Variants in SV2B observed in about 807,000 individuals in gnomAD.
The protein encoded by SV2B is solute carrier family 22 member B2.
SV2B carries 41 observed loss-of-function variants against 73.9 expected under a neutral mutation model. That is an observed-to-expected ratio of 0.56 (90% confidence interval 0.43 to 0.72). The LOEUF (loss-of-function observed/expected upper bound fraction) is 0.72, where lower values mean the gene tolerates loss of function less well. Ranked by LOEUF, SV2B falls within the 30% of genes least tolerant of loss-of-function variation. The pLI is 0.00. For synonymous variants in SV2B, 314 were observed against 314.2 expected (o/e 1.00, Z 0.01); for missense variants, 764 against 857.8 (o/e 0.89, Z 1.37).
rs1435375257 is a variant in SV2B, at chr15:91,154,157, AATT to A, written c.-392+53797_-392+53799del. 2.0e-5 allele frequency among the ~76,000 whole-genome samples: 3 copies of A among 147,956 alleles called. No individual in the cohort carries two copies. In the East Asian group the frequency reaches 5.8e-4, roughly 29 times the overall value. ...TATTTGATATTAATTTATATTATAA[AATT>A]ATATTATAGATTATAAATATAAATT... is the stretch of plus-strand genomic sequence containing the variant. On this transcript the variant is annotated intron_variant, in intron 1 of 12. Coordinates refer to ENST00000394232, the MANE Select transcript of SV2B (RefSeq NM_001323032.3).
Position 91,289,589 on chromosome 15 carries a change from A to G in SV2B, c.1777A>G (p.Ile593Val). The change falls in exon 12 of 13, where the codon ATC (isoleucine) becomes GTC (valine). Residue 593 changes from isoleucine to valine, a missense_variant. Transcript: ENST00000394232. This position sits in a 1 kb window ranked among gnomAD's most constrained non-coding sequence, Gnocchi z 4.9. ...LFFGNSESAM[I>V]GWQCLFCGTS... ...TTTTGGCAACAGTGAGTCTGCAATGATCGGCTGGCAGTGCCTGTTCTGTGG... is the reference window on the plus strand; with the variant it reads ...TTTTGGCAACAGTGAGTCTGCAATGGTCGGCTGGCAGTGCCTGTTCTGTGG... The G allele has an allele frequency of 2.5e-6, 4 of 1,614,202 alleles. No individual in the cohort carries two copies. The highest frequency in any genetic ancestry group is 3.4e-6 in the Non-Finnish European group (4 of 1,180,040).
intron 1 of SV2B, among the ~76,000 whole-genome samples, chr15:91,212,145 A>G (rs1223718024): frequency 2.0e-5 from 3 of 152,208 alleles, no homozygotes; most frequent in African/African-American, 7.2e-5. Context: ...GCCTCCAGGT[A>G]GATTTGTGCA....
At chr15:91,102,542 C>CT (rs1376334124) in intron 1 of SV2B, among the ~76,000 whole-genome samples, 1 of 152,176 alleles carries the variant, frequency 6.6e-6, no homozygotes, top group African/African-American at 2.4e-5. Flanking sequence ...AGCCATTGCT[C>CT]TATGTGTGGA....
In SV2B at chr15:91,266,567, A is replaced by G. The variant is rs1017036876; in HGVS notation, c.1009-15A>G. On this transcript the variant is annotated splice_polypyrimidine_tract_variant and intron_variant, in intron 6 of 12. Coordinates refer to ENST00000394232, the MANE Select transcript of SV2B (RefSeq NM_001323032.3). ...GTGGGGTTCAAATTCTCTATATCCT[A>G]TTTTTACTTTTCAGGTTTCCAACAT... 1.2e-6 allele frequency: 2 copies of G among 1,603,188 alleles called. No homozygotes were observed. The highest frequency in any genetic ancestry group is 8.5e-7 in the Non-Finnish European group (1 of 1,170,524).
rs1205922115 is a variant in SV2B, at chr15:91,108,220, T to G, written c.-392+7857T>G. Among the ~76,000 whole-genome samples the G allele has an allele frequency of 2.0e-5, 3 of 152,278 alleles. No homozygotes were observed. In the East Asian group the frequency reaches 5.8e-4, roughly 29 times the overall value. On this transcript the variant is annotated intron_variant, in intron 1 of 12. Transcript: ENST00000394232. ...ATTATTTCCATGGGGCCCATAATGT[T>G]CAAAATTAGACAAAGGGACAATAAT...
At chr15:91,185,347 A>G (rs2044729903) in intron 1 of SV2B, among the ~76,000 whole-genome samples, 1 of 152,186 alleles carries the variant, frequency 6.6e-6, no homozygotes, top group African/African-American at 2.4e-5. Context: ...TTTTGTATCT[A>G]TTTGCATTTT....
intron 1 of SV2B, among the ~76,000 whole-genome samples, chr15:91,104,979 G>A (rs933894410): frequency 2.0e-4 from 31 of 152,198 alleles, no homozygotes; most frequent in Admixed American, 1.4e-3. Flanking sequence ...CTTTTCTTCC[G>A]GACTCTGCTC....
chr15:91,156,639 T>A (rs188049777), intron 1 of SV2B, among the ~76,000 whole-genome samples: 29 of 152,296 alleles, frequency 1.9e-4, no homozygotes, highest in Admixed American at 1.4e-3. Context: ...TGGCCTGGCT[T>A]AAACATACAT....
rs954234721 is a variant in SV2B, at chr15:91,289,943, T to C, written c.1868+263T>C. 2.7e-5 allele frequency among the ~76,000 whole-genome samples: 4 copies of C among 150,762 alleles called. No individual in the cohort carries two copies. The highest frequency in any genetic ancestry group is 9.8e-5 in the African/African-American group (4 of 40,880). On this transcript the variant is annotated intron_variant, in intron 12 of 12. Transcript: ENST00000394232. This position sits in a 1 kb window ranked among gnomAD's most constrained non-coding sequence, Gnocchi z 4.9. The stretch of plus-strand genomic sequence containing the variant: ...TATGTCCAGGAGAAGGAAATAAGAG[T>C]GAAAAGTTGGTAAAACCATATGTGT...
chr15:91,230,454 G>A (rs1049667773), intron 2 of SV2B, among the ~76,000 whole-genome samples: 3 of 152,112 alleles, frequency 2.0e-5, no homozygotes, highest in Non-Finnish European at 4.4e-5. Context: ...CCCTTGGCCA[G>A]GTGACAAAAA....
intron 1 of SV2B, among the ~76,000 whole-genome samples, chr15:91,168,301 CGA>C (rs113991291): frequency 0.039 from 5,337 of 136,976 alleles, 334 homozygotes; most frequent in African/African-American, 0.13. Flanking sequence ...TGGTGAGATA[CGA>C]GAGAGAGAGA....
chr15:91,278,474 G>A (rs575072434), intron 9 of SV2B, among the ~76,000 whole-genome samples: 239 of 151,694 alleles, frequency 1.6e-3, no homozygotes, highest in Admixed American at 2.5e-3. Flanking sequence ...TCAGGAGATC[G>A]AGACCATCCT....
chr15:91,191,936 G>A (rs377467427), intron 1 of SV2B, among the ~76,000 whole-genome samples: 1 of 151,934 alleles, frequency 6.6e-6, no homozygotes, highest in African/African-American at 2.4e-5. Flanking sequence ...CACTGGATAC[G>A]TTAAATTTTA....
rs1472347134 is a variant in SV2B at position 91,122,126 on chromosome 15, A to G, written c.-392+21763A>G. ...CTGTTGACTCCAGGAGTCTGACGCC[A>G]AAGACTGAACTCCCAATATGTGCTA... On this transcript the variant is annotated intron_variant, in intron 1 of 12. Transcript: ENST00000394232. The surrounding 1 kb of genome is among the most constrained non-coding windows in gnomAD (Gnocchi z 4.3). 1.3e-5 allele frequency among the ~76,000 whole-genome samples: 2 copies of G among 152,174 alleles called. No homozygotes were observed. Among genetic ancestry groups the G allele is most frequent in the East Asian group, 1.9e-4 (1 of 5,194 alleles).
chr15:91,258,335 G>T lies in SV2B; in HGVS notation c.785-86G>T. On this transcript the variant is annotated intron_variant, in intron 4 of 12. Transcript: ENST00000394232. This position sits in a 1 kb window ranked among gnomAD's most constrained non-coding sequence, Gnocchi z 4.7. ...CCGGGTGACTCTCTTGTGCCCTGAA[G>T]TTTGTGAGCCAGGGCTTCAGAGTCA... 1 of 1,559,672 alleles carries T rather than the reference G, an allele frequency of 6.4e-7. No individual in the cohort carries two copies. Among genetic ancestry groups the T allele is most frequent in the Non-Finnish European group, 8.7e-7 (1 of 1,152,196 alleles).
chr15:91,278,964 A>G (rs1489377168), intron 9 of SV2B, among the ~76,000 whole-genome samples: 1 of 152,198 alleles, frequency 6.6e-6, no homozygotes, highest in Non-Finnish European at 1.5e-5. Context: ...TCCTTAAATG[A>G]CGATGTAATT....
intron 1 of SV2B, among the ~76,000 whole-genome samples, chr15:91,196,771 T>C (rs939340171): frequency 3.3e-5 from 5 of 152,216 alleles, no homozygotes; most frequent in African/African-American, 1.2e-4. Flanking sequence ...TACATAGGTT[T>C]GTTGGGGTGA....
chr15:91,169,409 G>GAAAATGAATA (rs2044038495), intron 1 of SV2B, among the ~76,000 whole-genome samples: 1 of 152,184 alleles, frequency 6.6e-6, no homozygotes, highest in African/African-American at 2.4e-5. Flanking sequence ...ACGAATGAAT[G>GAAAATGAATA]AAAGACAGCC....
chr15:91,188,714 T>C (rs1414840035), intron 1 of SV2B, among the ~76,000 whole-genome samples: 1 of 152,208 alleles, frequency 6.6e-6, no homozygotes. Context: ...ACTCTTATTT[T>C]TATGCCCCAT....
Sources: allele counts gnomAD v4.1 joint callset (sites outside exome capture counted in the v4.1 genomes callset), GRCh38; gene constraint gnomAD v4.1.1; non-coding constraint Gnocchi (gnomAD v3.1); transcripts MANE v1.5; gene names NCBI Gene and HGNC (gene_info 2026-07-23, HGNC 2026-07-21).